Variants in BRINP3 observed in about 807,000 individuals in gnomAD.
The protein encoded by BRINP3 is BMP/retinoic acid-inducible neural-specific protein 3.
Under a neutral mutation model 71.0 loss-of-function variants are expected in BRINP3, and 19 were observed. The observed-to-expected ratio is 0.27, with a 90% CI of 0.19 to 0.39. The LOEUF is 0.39. Among genes scored for constraint, BRINP3 ranks in the 10% least tolerant of loss-of-function variants. The pLI is 1.00. For missense variants in BRINP3, 959 were observed against 940.8 expected, an observed-to-expected ratio of 1.02 and a Z score of -0.25; for synonymous variants, 380 against 337.7, an observed-to-expected ratio of 1.13 and a Z score of -1.37.
At chr1:190,175,187 C>T (rs1174410152) in intron 6 of BRINP3, among the ~76,000 whole-genome samples, 3 of 152,092 alleles carry the variant, frequency 2.0e-5, no homozygotes, top group Admixed American at 6.6e-5. Context: ...GCAGGTCTAA[C>T]ACCACTGGCA....
intron 3 of BRINP3, among the ~76,000 whole-genome samples, chr1:190,273,036 T>A (rs1428550374): frequency 1.4e-5 from 2 of 146,020 alleles, no homozygotes; most frequent in African/African-American, 2.4e-5. Context: ...TAGGCCTTTC[T>A]TTCCTGTAAG....
chr1:190,349,637 G>T (rs1378654223), intron 2 of BRINP3, among the ~76,000 whole-genome samples: 2 of 151,998 alleles, frequency 1.3e-5, no homozygotes, highest in East Asian at 3.9e-4. Context: ...GTTCTAAATA[G>T]GCTTCTACAG....
At chr1:190,122,695 G>T (rs773870164) in intron 7 of BRINP3, among the ~76,000 whole-genome samples, 1 of 151,958 alleles carries the variant, frequency 6.6e-6, no homozygotes, top group Non-Finnish European at 1.5e-5. Flanking sequence ...AAACCTGCAC[G>T]TTGTGCACAT....
chr1:190,446,361 G>A (rs932133881), intron 2 of BRINP3, among the ~76,000 whole-genome samples: 13 of 151,978 alleles, frequency 8.6e-5, no homozygotes, highest in Non-Finnish European at 1.9e-4. Flanking sequence ...AACAGTTAGT[G>A]TAGTGATTTA....
intron 5 of BRINP3, among the ~76,000 whole-genome samples, chr1:190,228,882 T>C (rs560291846): frequency 1.3e-5 from 2 of 152,090 alleles, no homozygotes; most frequent in Non-Finnish European, 2.9e-5. Flanking sequence ...GAACAATGCT[T>C]AACAAAGCTT....
At chr1:190,127,833 A>G (rs1349277036) in intron 7 of BRINP3, among the ~76,000 whole-genome samples, 4 of 151,784 alleles carry the variant, frequency 2.6e-5, no homozygotes, top group Admixed American at 2.0e-4. Context: ...TGGGAGAGTG[A>G]GTGAATGATG....
At chr1:190,243,310 T>A (rs1032287705) in intron 4 of BRINP3, among the ~76,000 whole-genome samples, 4 of 152,086 alleles carry the variant, frequency 2.6e-5, no homozygotes, top group Non-Finnish European at 5.9e-5. Context: ...GCCAAGTCTG[T>A]AAACTCACTC....
chr1:190,470,591 A>C (rs1485476192), intron 1 of BRINP3, among the ~76,000 whole-genome samples: 1 of 151,158 alleles, frequency 6.6e-6, no homozygotes, highest in Non-Finnish European at 1.5e-5. Flanking sequence ...TTTTAACTCT[A>C]AACTTGAACA....
In BRINP3 at chr1:190,267,292, T is replaced by C. The variant is rs145138734; in HGVS notation, c.428-2237A>G. Reference sequence around the variant, plus strand: ...TAAATTCCATAAATTTGTAAGAATATAGTATGACTCACTGATGGCAATAAA... The same window carrying C: ...TAAATTCCATAAATTTGTAAGAATACAGTATGACTCACTGATGGCAATAAA... On this transcript the variant is annotated intron_variant, in intron 3 of 7. Transcript: ENST00000367462. Among the ~76,000 whole-genome samples, 512 of 152,204 alleles carry C rather than the reference T, an allele frequency of 3.4e-3. 3 individuals carry two copies. The highest frequency in any genetic ancestry group is 0.016 in the South Asian group (79 of 4,824).
chr1:190,163,212 A>T (rs1408204769), intron 6 of BRINP3, among the ~76,000 whole-genome samples: 1 of 152,092 alleles, frequency 6.6e-6, no homozygotes, highest in Non-Finnish European at 1.5e-5. Flanking sequence ...AATAAAACAC[A>T]ATTGTTAGGG....
At chr1:190,411,658 G>A (rs1672670828) in intron 2 of BRINP3, among the ~76,000 whole-genome samples, 2 of 151,886 alleles carry the variant, frequency 1.3e-5, no homozygotes, top group Admixed American at 1.3e-4. Context: ...ATATAACTAA[G>A]GTCTATTTTT....
At chr1:190,475,842 T>C (rs1404697451) in intron 1 of BRINP3, 1 of 145,096 alleles carries the variant, frequency 6.9e-6, no homozygotes, top group Non-Finnish European at 1.5e-5. Flanking sequence ...TTTTTCTTTT[T>C]CTTTTTTTTT....
chr1:190,253,066 T>C (rs1194252054), intron 4 of BRINP3, among the ~76,000 whole-genome samples: 2 of 152,120 alleles, frequency 1.3e-5, no homozygotes, highest in African/African-American at 4.8e-5. Flanking sequence ...CTCAGAATGA[T>C]GGTTTCCAGC....
At chr1:190,389,759 T>C (rs1671134306) in intron 2 of BRINP3, among the ~76,000 whole-genome samples, 1 of 151,880 alleles carries the variant, frequency 6.6e-6, no homozygotes, top group Admixed American at 6.6e-5. Context: ...ACAAACCAAC[T>C]GACCATGGGT....
chr1:190,436,187 A>G (rs776738970), intron 2 of BRINP3, among the ~76,000 whole-genome samples: 14 of 151,964 alleles, frequency 9.2e-5, no homozygotes, highest in Non-Finnish European at 2.1e-4. Context: ...TTTTAAAATT[A>G]TATTTTAACA....
intron 7 of BRINP3, among the ~76,000 whole-genome samples, chr1:190,104,480 G>A (rs1408748652): frequency 1.3e-5 from 2 of 151,864 alleles, no homozygotes; most frequent in Non-Finnish European, 2.9e-5. Flanking sequence ...AATATTGTAG[G>A]CATTTTCTTT....
chr1:190,288,102 G>C (rs985306336), intron 2 of BRINP3, among the ~76,000 whole-genome samples: 5 of 151,888 alleles, frequency 3.3e-5, no homozygotes, highest in Non-Finnish European at 7.4e-5. Context: ...AGGAAAATAT[G>C]TAAGAATTTT....
intron 5 of BRINP3, among the ~76,000 whole-genome samples, chr1:190,228,692 T>C (rs1657639839): frequency 6.6e-6 from 1 of 152,138 alleles, no homozygotes; most frequent in South Asian, 2.1e-4. Flanking sequence ...TTGAATTTTA[T>C]AACCAGACCA....
chr1:190,413,861 T>C (rs1185689), intron 2 of BRINP3, among the ~76,000 whole-genome samples: 114,965 of 152,160 alleles, frequency 0.76, 43,623 homozygotes, highest in Non-Finnish European at 0.8. Context: ...AGTCAATTTA[T>C]AAATAATTTA....
Sources: gnomAD v4.1 joint callset for allele counts (sites outside exome capture counted in the v4.1 genomes callset) on GRCh38, gnomAD v4.1.1 for gene constraint, MANE v1.5 for transcripts, NCBI Gene and HGNC (gene_info 2026-07-23, HGNC 2026-07-21) for gene names.